MLKL: variants seen among roughly 807,000 people sequenced by gnomAD.
MLKL encodes mixed lineage kinase domain-like protein.
Under a neutral mutation model 56.5 loss-of-function variants are expected in MLKL, and 55 were observed. The ratio of observed to expected loss-of-function variants is 0.97; its 90% CI spans 0.78 to 1.22. The LOEUF (loss-of-function observed/expected upper bound fraction) is 1.22, where lower values mean the gene tolerates loss of function less well. Ranked by LOEUF, MLKL falls within the 50% of genes most tolerant of loss-of-function variation. The pLI is 0.00. For synonymous variants in MLKL, 251 were observed against 208.3 expected (o/e 1.20, Z -1.76); for missense variants, 694 against 573.9 (o/e 1.21, Z -2.14).
chr16:74,695,601 C>G lies in MLKL; in HGVS notation c.157G>C (p.Val53Leu). 2 of 1,614,184 alleles carry G rather than the reference C, an allele frequency of 1.2e-6. No homozygotes were observed. The highest frequency in any genetic ancestry group is 1.7e-6 in the Non-Finnish European group (2 of 1,180,038). ...EMLQDQGKRS[V>L]PSEKLTTAMN... ...GCTGTGGTTAACTTCTCAGAGGGCA[C>G]GCTCCTCTTTCCTTGGTCCTGGAGC... Residue 53 changes from valine (V) to leucine (L), a missense_variant, in exon 2 of 11, where the codon GTG becomes CTG. Physicochemically the swap from Val to Leu is conservative, Grantham distance 32 (BLOSUM62 1). Coordinates refer to ENST00000308807, the MANE Select transcript of MLKL (RefSeq NM_152649.4).
intron 1 of MLKL, 90 bp from the exon 2 acceptor site, chr16:74,695,849 TA>T: frequency 8.4e-7 from 1 of 1,189,808 alleles, no homozygotes; most frequent in Non-Finnish European, 1.2e-6. Context: ...GTCTGTGACT[TA>T]AATGCCTGAG....
chr16:74,695,231 G>T, intron 2 of MLKL, 67 bp downstream of exon 2: 1 of 1,477,480 alleles, frequency 6.8e-7, no homozygotes, highest in Non-Finnish European at 9.3e-7. Context: ...CTGCTCCTTT[G>T]GTAAATTAAA....
At chr16:74,690,352 T>C (rs941881938) in intron 4 of MLKL, among the ~76,000 whole-genome samples, 2 of 152,192 alleles carry the variant, frequency 1.3e-5, no homozygotes, top group African/African-American at 4.8e-5. Flanking sequence ...AGTCACTTAA[T>C]ATACACATAT....
At chr16:74,685,405 T>TA (rs201942950) in intron 5 of MLKL, 81 bp downstream of exon 5, 15,217 of 1,046,092 alleles carry the variant, frequency 0.015, 164 homozygotes, top group African/African-American at 0.029. Context: ...TGATGTTCTT[T>TA]AAAAAAATGC....
chr16:74,688,338 G>C (rs1960461415), intron 4 of MLKL, among the ~76,000 whole-genome samples: 1 of 152,178 alleles, frequency 6.6e-6, no homozygotes, highest in Admixed American at 6.5e-5. Flanking sequence ...GAAGTTGAAT[G>C]ACTACCTTAT....
intron 6 of MLKL, 53 bp from the exon 7 acceptor site, chr16:74,679,033 G>A: frequency 7.0e-7 from 1 of 1,433,736 alleles, no homozygotes; most frequent in East Asian, 2.3e-5. Flanking sequence ...ACTTTCTTTG[G>A]GGGACTGACA....
chr16:74,698,769 T>C (rs1961205520), intron 1 of MLKL, among the ~76,000 whole-genome samples: 1 of 152,108 alleles, frequency 6.6e-6, no homozygotes, highest in African/African-American at 2.4e-5. Flanking sequence ...ATCCCACCCA[T>C]AGAACTGACA....
Position 74,678,889 on chromosome 16 carries a change from G to C in MLKL, c.1038+10C>G, listed in dbSNP as rs778809786. The stretch of plus-strand genomic sequence containing the variant: ...GTTTGACCCAAAGCGCCCCCGCAAG[G>C]CACACTCACCTTCACTTGGTAGCCT... On this transcript the variant is annotated intron_variant, in intron 7 of 10. Coordinates refer to ENST00000308807, the MANE Select transcript of MLKL (RefSeq NM_152649.4). 1.4e-5 allele frequency: 22 copies of C among 1,613,216 alleles called. No homozygotes were observed. In the Admixed American group the frequency reaches 2.0e-4, roughly 15 times the overall value.
At chr16:74,685,669 G>A in intron 4 of MLKL, 86 bp from the exon 5 acceptor site, 1 of 1,011,346 alleles carries the variant, frequency 9.9e-7, no homozygotes, top group South Asian at 1.3e-5. Flanking sequence ...CTGTGTATGT[G>A]GGGGCGGGGG....
chr16:74,672,644 C>G, intron 10 of MLKL, 106 bp from the exon 11 acceptor site: 1 of 1,043,340 alleles, frequency 9.6e-7, no homozygotes, highest in South Asian at 1.4e-5. Flanking sequence ...ACTGCATTCC[C>G]CCTGGTCTGG....
chr16:74,689,583 A>T (rs1216891503), intron 4 of MLKL, among the ~76,000 whole-genome samples: 1 of 152,218 alleles, frequency 6.6e-6, no homozygotes, highest in Non-Finnish European at 1.5e-5. Context: ...AGCTAAGTCA[A>T]CCTGAAAAAG....
intron 6 of MLKL, among the ~76,000 whole-genome samples, chr16:74,681,266 T>G (rs571289891): frequency 6.6e-6 from 1 of 152,066 alleles, no homozygotes; most frequent in African/African-American, 2.4e-5. Flanking sequence ...CCTCAAGTGA[T>G]CCACCTGCCT....
intron 5 of MLKL, 111 bp from the exon 6 acceptor site, chr16:74,682,897 C>T (rs1377496669): frequency 2.4e-6 from 3 of 1,263,824 alleles, no homozygotes; most frequent in Non-Finnish European, 3.3e-6. Context: ...TCTGCTGAGT[C>T]CCATTTCTCC....
At position 74,692,429 on chromosome 16, in the gene MLKL, A is replaced by T. The variant is rs374870591; in HGVS notation, c.461-13T>A. ...ATTTTTTCATTATCTGCAGGAAAAA[A>T]GGGCAGTATATGCTCAAAATAGATA... On this transcript the variant is annotated splice_polypyrimidine_tract_variant and intron_variant, in intron 2 of 10. Transcript: ENST00000308807. The T allele has an allele frequency of 4.2e-5, 67 of 1,605,434 alleles. No homozygotes were observed. In the African/African-American group the frequency reaches 8.8e-4, roughly 21 times the overall value.
chr16:74,696,888 G>T (rs1005015391), intron 1 of MLKL, among the ~76,000 whole-genome samples: 2 of 148,528 alleles, frequency 1.3e-5, no homozygotes, highest in Admixed American at 6.8e-5. Context: ...AACCCAGGGG[G>T]TGGAGGTTGC....
intron 6 of MLKL, among the ~76,000 whole-genome samples, chr16:74,679,439 G>T (rs1959804558): frequency 1.3e-5 from 2 of 152,180 alleles, no homozygotes; most frequent in Non-Finnish European, 2.9e-5. Flanking sequence ...TGCACTCATG[G>T]TGTCTGCCTG....
chr16:74,673,616 C>T (rs1169884897), intron 10 of MLKL, among the ~76,000 whole-genome samples: 1 of 151,696 alleles, frequency 6.6e-6, no homozygotes, highest in African/African-American at 2.4e-5. Flanking sequence ...TGTAAGGAAG[C>T]TATGGAGAAG....
chr16:74,672,600 C>A, intron 10 of MLKL, 62 bp from the exon 11 acceptor site: 4 of 1,476,646 alleles, frequency 2.7e-6, no homozygotes, highest in Middle Eastern at 1.7e-4. Flanking sequence ...GTTAGAAACA[C>A]AAAGACATTT....
chr16:74,686,912 A>C (rs1960364374), intron 4 of MLKL, among the ~76,000 whole-genome samples: 1 of 152,254 alleles, frequency 6.6e-6, no homozygotes, highest in South Asian at 2.1e-4. Context: ...ATAAATTTAC[A>C]AAAGAAGTGC....
Sources: allele counts gnomAD v4.1 joint callset (sites outside exome capture counted in the v4.1 genomes callset), GRCh38; gene constraint gnomAD v4.1.1; transcripts MANE v1.5; gene names NCBI Gene and HGNC (gene_info 2026-07-23, HGNC 2026-07-21).